ANKRD49: variants seen among roughly 807,000 people sequenced by gnomAD.
ANKRD49 encodes the protein ankyrin repeat domain-containing protein 49.
Under a neutral mutation model 19.6 loss-of-function variants are expected in ANKRD49, and 18 were observed. The observed-to-expected ratio is 0.92, with a 90% CI of 0.63 to 1.36. ANKRD49 has a LOEUF of 1.36. Ranked by LOEUF, ANKRD49 falls within the 40% of genes most tolerant of loss-of-function variation. The pLI is 0.00. For missense variants in ANKRD49, 218 were observed against 281.6 expected (o/e 0.77, Z 1.62); for synonymous variants, 88 against 101.8 (o/e 0.86, Z 0.82).
chr11:94,496,514 T>G, intron 1 of ANKRD49, 90 bp from the exon 2 acceptor site: 2 of 565,870 alleles, frequency 3.5e-6, no homozygotes, highest in South Asian at 2.8e-5. Flanking sequence ...TTAGACAGGG[T>G]TTAATTGTAT....
chr11:94,496,811 G>T lies in ANKRD49; in HGVS notation c.118G>T (p.Gly40Cys). 6.2e-7 allele frequency: 1 copy of T among 1,613,972 alleles called. No homozygotes were observed. The highest frequency in any genetic ancestry group is 8.5e-7 in the Non-Finnish European group (1 of 1,179,958). The change falls in exon 2 of 3, where the codon GGT (glycine) becomes TGT (cysteine). Residue 40 changes from glycine (G) to cysteine (C), a missense_variant. Coordinates refer to ENST00000544612, the MANE Select transcript of ANKRD49 (RefSeq NM_017704.3). ...AACACATGGACACCTTATTCCTACTGGTACTCAAAGTCTTTGGGTAGGCAA... is the reference window on the plus strand; with the variant it reads ...AACACATGGACACCTTATTCCTACTTGTACTCAAAGTCTTTGGGTAGGCAA... ...LETHGHLIPTGTQSLWVGNSD... is the reference protein window; with the variant it reads ...LETHGHLIPTCTQSLWVGNSD...
chr11:94,494,186 C>T (rs1947373664), intron 1 of ANKRD49, 151 bp downstream of exon 1: 1 of 152,206 alleles, frequency 6.6e-6, no homozygotes, highest in Non-Finnish European at 1.5e-5. Flanking sequence ...ACCGAAGCCG[C>T]TTCTCCGCTC....
rs556700863 is a variant in ANKRD49 at position 94,498,559 on chromosome 11, T to C, written c.*27T>C. On this transcript the variant is annotated 3_prime_UTR_variant, in exon 3 of 3. Coordinates refer to ENST00000544612, the MANE Select transcript of ANKRD49 (RefSeq NM_017704.3). ...AATTCTAGTAATTTTCCTAAGTTTC[T>C]AAATACCAGTGCCTCCTGTGTGTGA... 2 of 1,559,066 alleles carry C rather than the reference T, an allele frequency of 1.3e-6. No individual in the cohort carries two copies. Among genetic ancestry groups the C allele is most frequent in the African/African-American group, 2.7e-5 (2 of 73,584 alleles).
At position 94,499,315 on chromosome 11, in the gene ANKRD49, C is replaced by T. The variant is rs1273198310; in HGVS notation, c.*783C>T. The T allele has an allele frequency of 4.6e-5, 7 of 152,524 alleles. No individual in the cohort carries two copies. The highest frequency in any genetic ancestry group is 1.0e-4 in the Non-Finnish European group (7 of 68,046). 9.4% of individuals were successfully genotyped at this position (152,524 alleles called of 1,614,324 possible). ...ATATCTGCTATCCAACTGGTTTTAC[C>T]TGCCTAATCCTACTGATTTGGGCAC... On this transcript the variant is annotated 3_prime_UTR_variant, in exon 3 of 3. Transcript: ENST00000544612.
chr11:94,498,344 T>C lies in ANKRD49; in HGVS notation c.532T>C (p.Leu178=). The change falls in exon 3 of 3, where the codon TTG becomes CTG. Residue 178 remains leucine (L), a synonymous_variant. Coordinates refer to ENST00000544612, the MANE Select transcript of ANKRD49 (RefSeq NM_017704.3). ...CCAAACAAAAGGCCTCTTGACCCCC[T>C]TGCATCTTGCTGCTGGGAACAGAGA... ...NAQTKGLLTP[L]HLAAGNRDSK... 6.2e-7 allele frequency: 1 copy of C among 1,611,422 alleles called. No individual in the cohort carries two copies.
In ANKRD49 at chr11:94,496,917, G is replaced by T; in HGVS notation, c.224G>T (p.Ser75Ile). Residue 75 changes from serine to isoleucine, a missense_variant, in exon 2 of 3, where the codon AGC becomes ATC. Ser to Ile is a moderately radical substitution (Grantham distance 142, BLOSUM62 -2). Coordinates refer to ENST00000544612, the MANE Select transcript of ANKRD49 (RefSeq NM_017704.3). ...LQEKKMEKDP[S>I]RLLLWAAEKN... ...GAAAAAAAAATGGAAAAAGACCCAAGCAGATTGCTTCTTTGGGCTGCTGAA... is the reference window on the plus strand; with the variant it reads ...GAAAAAAAAATGGAAAAAGACCCAATCAGATTGCTTCTTTGGGCTGCTGAA... 1 of 1,613,484 alleles carries T rather than the reference G, an allele frequency of 6.2e-7. No individual in the cohort carries two copies. Among genetic ancestry groups the T allele is most frequent in the South Asian group, 1.1e-5 (1 of 91,072 alleles).
In ANKRD49 at chr11:94,499,147, C is replaced by T. The variant is rs1038935082; in HGVS notation, c.*615C>T. 2.6e-5 allele frequency: 4 copies of T among 154,112 alleles called. No individual in the cohort carries two copies. The highest frequency in any genetic ancestry group is 9.6e-5 in the African/African-American group (4 of 41,454). 9.5% of individuals were successfully genotyped at this position (154,112 alleles called of 1,614,324 possible). ...GTGTTTAATTCATGAATATTGTATA[C>T]TGCATCCCCTACCACAATTTACACA... On this transcript the variant is annotated 3_prime_UTR_variant, in exon 3 of 3. Coordinates refer to ENST00000544612, the MANE Select transcript of ANKRD49 (RefSeq NM_017704.3).
At chr11:94,495,821 C>T (rs1947411380) in intron 1 of ANKRD49, among the ~76,000 whole-genome samples, 1 of 152,038 alleles carries the variant, frequency 6.6e-6, no homozygotes, top group African/African-American at 2.4e-5. Context: ...CTTTGCCAGA[C>T]ACATGATGTC....
chr11:94,498,126 A>G lies in ANKRD49; in HGVS notation c.314A>G (p.Asp105Gly). 7 of 1,614,050 alleles carry G rather than the reference A, an allele frequency of 4.3e-6. No homozygotes were observed. The highest frequency in any genetic ancestry group is 5.9e-6 in the Non-Finnish European group (7 of 1,180,018). ...SEKATHVNTR[D>G]EDEYTPLHRA... ...AAGGCCACTCACGTGAACACTAGGG[A>G]TGAAGATGAGTATACCCCTCTTCAT... Residue 105 changes from aspartate (D) to glycine (G), a missense_variant, in exon 3 of 3, where the codon GAT becomes GGT. Transcript: ENST00000544612.
Position 94,498,185 on chromosome 11 carries a change from C to T in ANKRD49, c.373C>T (p.Gln125Ter). The T allele has an allele frequency of 6.2e-7, 1 of 1,614,136 alleles. No individual in the cohort carries two copies. The highest frequency in any genetic ancestry group is 8.5e-7 in the Non-Finnish European group (1 of 1,180,022). Residue 125 changes from glutamine (Q) to a stop codon, truncating the protein, a stop_gained, in exon 3 of 3, where the codon CAG becomes TAG. Coordinates refer to ENST00000544612, the MANE Select transcript of ANKRD49 (RefSeq NM_017704.3). LOFTEE classifies it high-confidence loss of function. Reference sequence around the variant, plus strand: ...CTACAGTGGACACTTAGATATTGTTCAGGAGCTCATTGCACAGGGGGCCGA... The same window carrying T: ...CTACAGTGGACACTTAGATATTGTTTAGGAGCTCATTGCACAGGGGGCCGA... ...AAYSGHLDIV[Q>*]ELIAQGADVH...
In ANKRD49 at chr11:94,498,534, A is replaced by G. The variant is rs1343188582; in HGVS notation, c.*2A>G. The stretch of plus-strand genomic sequence containing the variant: ...ACAAATTCTTCACCTCAGTCTTAAC[A>G]ATTCTAGTAATTTTCCTAAGTTTCT... On this transcript the variant is annotated 3_prime_UTR_variant, in exon 3 of 3. Coordinates refer to ENST00000544612, the MANE Select transcript of ANKRD49 (RefSeq NM_017704.3). 3 of 1,597,692 alleles carry G rather than the reference A, an allele frequency of 1.9e-6. No homozygotes were observed. The highest frequency in any genetic ancestry group is 2.2e-5 in the East Asian group (1 of 44,754).
In ANKRD49 at chr11:94,498,597, T is replaced by A; in HGVS notation, c.*65T>A. 2 of 1,364,332 alleles carry A rather than the reference T, an allele frequency of 1.5e-6. No individual in the cohort carries two copies. The highest frequency in any genetic ancestry group is 2.0e-6 in the Non-Finnish European group (2 of 992,902). The allele number at this position is 1,364,332 out of a possible 1,614,324, so 84.5% of individuals were successfully genotyped here. On this transcript the variant is annotated 3_prime_UTR_variant, in exon 3 of 3. Coordinates refer to ENST00000544612, the MANE Select transcript of ANKRD49 (RefSeq NM_017704.3). ...CTCCTGTGTGTGAGATGTATTCCCA[T>A]AATCAAAGTTGACGTCAAACATCTT...
intron 1 of ANKRD49, among the ~76,000 whole-genome samples, chr11:94,496,188 C>T (rs1484720536): frequency 1.3e-5 from 2 of 152,028 alleles, no homozygotes; most frequent in Admixed American, 6.6e-5. Flanking sequence ...CCTGATTCTT[C>T]GAAATAGTAT....
chr11:94,496,653 CTGGCATTTGAAA>C lies in ANKRD49; in HGVS notation c.-38_-27del. On this transcript the variant is annotated 5_prime_UTR_variant, in exon 2 of 3. The change abolishes an upstream ATG in the 5' untranslated region. Coordinates refer to ENST00000544612, the MANE Select transcript of ANKRD49 (RefSeq NM_017704.3). ...ATTCATCTCTAGAAAGATTTATATC[CTGGCATTTGAAA>C]TGCTTTTTATTTAGAATAGTAGTAA... 6.7e-7 allele frequency: 1 copy of C among 1,492,128 alleles called. No homozygotes were observed. The highest frequency in any genetic ancestry group is 2.3e-5 in the East Asian group (1 of 43,974). The allele number at this position is 1,492,128 out of a possible 1,614,324, so 92.4% of individuals were successfully genotyped here.
At position 94,498,509 on chromosome 11, in the gene ANKRD49, A is replaced by G; in HGVS notation, c.697A>G (p.Thr233Ala). The G allele has an allele frequency of 6.2e-7, 1 of 1,613,220 alleles. No individual in the cohort carries two copies. The highest frequency in any genetic ancestry group is 8.5e-7 in the Non-Finnish European group (1 of 1,179,456). Residue 233 changes from threonine (T) to alanine (A), a missense_variant, in exon 3 of 3, where the codon ACA (threonine) becomes GCA (alanine). Thr to Ala is a moderately conservative substitution (Grantham distance 58). Coordinates refer to ENST00000544612, the MANE Select transcript of ANKRD49 (RefSeq NM_017704.3). ...CCTCTTTGAAATTGTGGAAGGCTGT[A>G]CAAATTCTTCACCTCAGTCTTAACA... is the stretch of plus-strand genomic sequence containing the variant. ...HYLFEIVEGC[T>A]NSSPQS
chr11:94,496,652 C>T lies in ANKRD49; in HGVS notation c.-42C>T, dbSNP rs1332813838. ...AATTCATCTCTAGAAAGATTTATAT[C>T]CTGGCATTTGAAATGCTTTTTATTT... On this transcript the variant is annotated 5_prime_UTR_variant, in exon 2 of 3. Coordinates refer to ENST00000544612, the MANE Select transcript of ANKRD49 (RefSeq NM_017704.3). The T allele has an allele frequency of 6.7e-7, 1 of 1,488,748 alleles. No homozygotes were observed. The highest frequency in any genetic ancestry group is 9.0e-7 in the Non-Finnish European group (1 of 1,113,536). 92.2% of individuals were successfully genotyped at this position (1,488,748 alleles called of 1,614,324 possible).
chr11:94,498,082 G>A lies in ANKRD49; in HGVS notation c.270G>A (p.Val90=). 1 of 1,609,258 alleles carries A rather than the reference G, an allele frequency of 6.2e-7. No homozygotes were observed. Among genetic ancestry groups the A allele is most frequent in the East Asian group, 2.2e-5 (1 of 44,800 alleles). ...TTTTTTCTTCTCAGCTTACCACAGT[G>A]CGGAGACTCCTTTCTGAAAAGGCCA... The part of the protein sequence containing the change: ...WAAEKNRLTT[V]RRLLSEKATH... Residue 90 remains valine, a synonymous_variant, in exon 3 of 3, where the codon GTG becomes GTA. Coordinates refer to ENST00000544612, the MANE Select transcript of ANKRD49 (RefSeq NM_017704.3).
At position 94,496,520 on chromosome 11, in the gene ANKRD49, T is replaced by C. The variant is rs147297273; in HGVS notation, c.-90-84T>C. ...AACAAGAGTTTAGACAGGGTTTAATTGTATATGTTTGCAAGACTTATCTAT... is the reference window on the plus strand; with the variant it reads ...AACAAGAGTTTAGACAGGGTTTAATCGTATATGTTTGCAAGACTTATCTAT... On this transcript the variant is annotated intron_variant, in intron 1 of 2. Coordinates refer to ENST00000544612, the MANE Select transcript of ANKRD49 (RefSeq NM_017704.3). 1.2e-3 allele frequency: 728 copies of C among 582,424 alleles called. 5 individuals are homozygous for C. The highest frequency in any genetic ancestry group is 9.4e-3 in the African/African-American group (503 of 53,710). The allele number at this position is 582,424 out of a possible 1,614,324, so 36.1% of individuals were successfully genotyped here.
chr11:94,494,349 CTGCTTTG>C (rs1028634946), intron 1 of ANKRD49, among the ~76,000 whole-genome samples: 12 of 152,324 alleles, frequency 7.9e-5, no homozygotes, highest in Middle Eastern at 3.4e-3. Context: ...CACATCTGCA[CTGCTTTG>C]TGCTGAGAGC....
Sources: allele counts gnomAD v4.1 joint callset (sites outside exome capture counted in the v4.1 genomes callset), GRCh38; gene constraint gnomAD v4.1.1; transcripts MANE v1.5; gene names NCBI Gene and HGNC (gene_info 2026-07-23, HGNC 2026-07-21).